The following APBA2 variants were observed in gnomAD, a reference collection of about 807,000 sequenced individuals.
APBA2 encodes amyloid-beta A4 precursor protein-binding family A member 2.
A neutral mutation model predicts 75.0 loss-of-function variants in APBA2; 30 were observed. The observed-to-expected ratio is 0.40, with a 90% CI of 0.30 to 0.54. The LOEUF is 0.54. Among genes scored for constraint, APBA2 ranks in the 20% least tolerant of loss-of-function variants. The probability of loss-of-function intolerance (pLI) is 0.49; values close to 1 mark genes in which losing one functional copy is unlikely to be tolerated. For missense variants in APBA2, 801 were observed against 1,016.1 expected (o/e 0.79, Z 2.88); for synonymous variants, 444 against 409.6 (o/e 1.08, Z -1.01).
intron 6 of APBA2, among the ~76,000 whole-genome samples, chr15:29,078,988 C>A (rs147159528): frequency 6.6e-6 from 1 of 152,322 alleles, no homozygotes; most frequent in African/African-American, 2.4e-5. Context: ...GGCAACATTG[C>A]TTATGGTGAG....
chr15:29,047,610 A>C (rs1423793254), intron 3 of APBA2, among the ~76,000 whole-genome samples: 2 of 152,154 alleles, frequency 1.3e-5, no homozygotes, highest in African/African-American at 4.8e-5. Context: ...AAGTGAAAGC[A>C]TTTTCATTGC....
chr15:28,923,052 C>T (rs1310525851), intron 2 of APBA2, among the ~76,000 whole-genome samples: 1 of 152,230 alleles, frequency 6.6e-6, no homozygotes, highest in African/African-American at 2.4e-5. Context: ...CCTTGGAATG[C>T]TTACTCAGAC....
At chr15:28,931,400 C>G (rs1201857771) in intron 2 of APBA2, among the ~76,000 whole-genome samples, 1 of 152,204 alleles carries the variant, frequency 6.6e-6, no homozygotes, top group Non-Finnish European at 1.5e-5. Context: ...GCCGCTGAGA[C>G]TCAGAGGGAG....
At chr15:29,015,318 T>A (rs958861093) in intron 3 of APBA2, among the ~76,000 whole-genome samples, 8 of 152,064 alleles carry the variant, frequency 5.3e-5, no homozygotes, top group Non-Finnish European at 8.8e-5. Flanking sequence ...GTGCCTGGGG[T>A]CCTTCATTTA....
At chr15:29,105,356 C>T (rs565955396) in intron 10 of APBA2, 23 bp from the exon 11 acceptor site, 8 of 1,605,994 alleles carry the variant, frequency 5.0e-6, no homozygotes, top group Middle Eastern at 1.7e-4. Context: ...TGCCTGTCTC[C>T]AGCTGGCCTG....
intron 9 of APBA2, among the ~76,000 whole-genome samples, chr15:29,099,964 C>T (rs922336169): frequency 1.3e-5 from 2 of 152,230 alleles, no homozygotes; most frequent in African/African-American, 4.8e-5. Context: ...CTGGCCCCTT[C>T]TCCCTTCCTT....
intron 4 of APBA2, among the ~76,000 whole-genome samples, chr15:29,056,585 C>T: frequency 4.1e-3 from 3 of 736 alleles, no homozygotes; most frequent in South Asian, 0.056. Context: ...TTCCTCCCTC[C>T]CTCCCTCCCT....
At chr15:29,103,895 C>G (rs921522862) in intron 10 of APBA2, among the ~76,000 whole-genome samples, 1 of 152,214 alleles carries the variant, frequency 6.6e-6, no homozygotes, top group African/African-American at 2.4e-5. Flanking sequence ...CCCATCAGCT[C>G]GCCAACTCCG....
intron 2 of APBA2, among the ~76,000 whole-genome samples, chr15:28,942,038 C>T (rs1160453711): frequency 1.3e-5 from 2 of 152,232 alleles, no homozygotes; most frequent in African/African-American, 4.8e-5. Context: ...GGATTACAGG[C>T]GTGAGCCACT....
rs1356817637 is a variant in APBA2, at chr15:29,108,314, T to C, written c.1962T>C (p.Cys654=). Residue 654 remains cysteine (C), a synonymous_variant, in exon 13 of 15, where the codon TGT becomes TGC. Coordinates refer to ENST00000683413, the MANE Select transcript of APBA2 (RefSeq NM_001353788.2). ...QTQVKLNIVS[C]PPVTTVLIKR... is the part of the protein sequence containing the mutation. ...AGGTGAAGCTCAACATTGTCAGCTG[T>C]CCCCCGGTCACCACGGTCCTTATCA... The C allele has an allele frequency of 6.2e-7, 1 of 1,613,926 alleles. No homozygotes were observed. The highest frequency in any genetic ancestry group is 8.5e-7 in the Non-Finnish European group (1 of 1,179,998).
At chr15:28,920,405 T>G (rs2033912643) in intron 1 of APBA2, among the ~76,000 whole-genome samples, 1 of 152,226 alleles carries the variant, frequency 6.6e-6, no homozygotes, top group Non-Finnish European at 1.5e-5. Context: ...ATGCCATGAC[T>G]TGGAGGCAAT....
intron 1 of APBA2, among the ~76,000 whole-genome samples, chr15:28,889,492 C>G (rs1241284656): frequency 6.6e-6 from 1 of 152,216 alleles, no homozygotes; most frequent in Admixed American, 6.5e-5. Flanking sequence ...ATCCACGTTA[C>G]TCGGCTGGAT....
chr15:28,986,513 T>A (rs8032556), intron 2 of APBA2, among the ~76,000 whole-genome samples: 4,767 of 152,178 alleles, frequency 0.031, 231 homozygotes, highest in African/African-American at 0.1. Flanking sequence ...ATTAAAAAAA[T>A]TTTTTTTGAG....
At chr15:28,929,240 T>G (rs2034436514) in intron 2 of APBA2, among the ~76,000 whole-genome samples, 1 of 152,074 alleles carries the variant, frequency 6.6e-6, no homozygotes, top group Admixed American at 6.6e-5. Context: ...GGAACTGGAG[T>G]GTCAGTGTTC....
intron 3 of APBA2, among the ~76,000 whole-genome samples, chr15:29,022,298 C>T (rs1171259074): frequency 2.6e-5 from 4 of 152,164 alleles, no homozygotes; most frequent in South Asian, 4.1e-4. Context: ...TTCTCACCAA[C>T]GCTTCTTATC....
At chr15:29,078,609 TCAAAAAAAAAAAAAACAAAACAAAAAA>T (rs1205285898) in intron 6 of APBA2, among the ~76,000 whole-genome samples, 1 of 128,152 alleles carries the variant, frequency 7.8e-6, no homozygotes, top group Non-Finnish European at 1.6e-5. Flanking sequence ...AGACTCCATC[TCAAAAAAAAAAAAAACAAAACAAAAAA>T]CAAAAAAAAA....
intron 1 of APBA2, among the ~76,000 whole-genome samples, chr15:28,897,172 C>CAA (rs1472127353): frequency 7.6e-6 from 1 of 131,668 alleles, no homozygotes; most frequent in Non-Finnish European, 1.6e-5. Context: ...AGGAAAATGG[C>CAA]AAAAGACACG....
intron 3 of APBA2, among the ~76,000 whole-genome samples, chr15:29,027,952 T>G (rs963805206): frequency 6.6e-6 from 1 of 152,080 alleles, no homozygotes; most frequent in African/African-American, 2.4e-5. Flanking sequence ...CTTTTATTTC[T>G]TAGACTTATT....
At chr15:28,940,194 C>A (rs1046920916) in intron 2 of APBA2, among the ~76,000 whole-genome samples, 1 of 151,608 alleles carries the variant, frequency 6.6e-6, no homozygotes, top group Non-Finnish European at 1.5e-5. Flanking sequence ...AAAGGAGATA[C>A]GGAGGAAAGG....
Sources: gnomAD v4.1 joint callset for allele counts (sites outside exome capture counted in the v4.1 genomes callset) on GRCh38, gnomAD v4.1.1 for gene constraint, MANE v1.5 for transcripts, NCBI Gene and HGNC (gene_info 2026-07-23, HGNC 2026-07-21) for gene names.